Variants in KCNIP4 observed in about 807,000 individuals in gnomAD.
KCNIP4 encodes the protein Kv channel-interacting protein 4.
Under a neutral mutation model 34.0 loss-of-function variants are expected in KCNIP4, and 12 were observed. The observed-to-expected ratio is 0.35, with a 90% CI of 0.23 to 0.57. KCNIP4 has a LOEUF of 0.57. Among genes scored for constraint, KCNIP4 ranks in the 20% least tolerant of loss-of-function variants. KCNIP4 has a pLI of 0.83. For synonymous variants in KCNIP4, 124 were observed against 102.2 expected, an observed-to-expected ratio of 1.21 and a Z score of -1.29; for missense variants, 238 against 311.7, an observed-to-expected ratio of 0.76 and a Z score of 1.78.
intron 1 of KCNIP4, among the ~76,000 whole-genome samples, chr4:21,423,974 A>AT (rs548252863): frequency 0.29 from 41,451 of 144,818 alleles, 6,565 homozygotes; most frequent in Non-Finnish European, 0.38. Context: ...TGCCCGGCCA[A>AT]TTTTTTTTTT....
intron 1 of KCNIP4, among the ~76,000 whole-genome samples, chr4:21,294,299 C>A (rs1763711114): frequency 1.3e-5 from 2 of 152,078 alleles, no homozygotes; most frequent in African/African-American, 4.8e-5. Context: ...CTGTGTCTTC[C>A]CATTATGTAC....
intron 1 of KCNIP4, among the ~76,000 whole-genome samples, chr4:21,058,558 C>T (rs1743626653): frequency 6.6e-6 from 1 of 152,032 alleles, no homozygotes; most frequent in African/African-American, 2.4e-5. Flanking sequence ...GTCCCTAAAT[C>T]ATAGACACTG....
rs1406562812 is a variant in KCNIP4, at chr4:21,948,727, C to G, written c.-96G>C. On this transcript the variant is annotated 5_prime_UTR_variant, in exon 1 of 9. Transcript: ENST00000382152. ...CACGGGAGCGCACCGCCGCTCGGCCCGGGGGCGTCCGTGGCGCTGGGAGCG... is the reference window on the plus strand; with the variant it reads ...CACGGGAGCGCACCGCCGCTCGGCCGGGGGGCGTCCGTGGCGCTGGGAGCG... 4 of 1,295,090 alleles carry G rather than the reference C, an allele frequency of 3.1e-6. No homozygotes were observed. In the African/African-American group the frequency reaches 4.6e-5, roughly 15 times the overall value. 80.2% of individuals were successfully genotyped at this position (1,295,090 alleles called of 1,614,324 possible).
intron 1 of KCNIP4, among the ~76,000 whole-genome samples, chr4:21,913,045 A>T (rs1728429065): frequency 6.6e-6 from 1 of 152,028 alleles, no homozygotes; most frequent in Non-Finnish European, 1.5e-5. Flanking sequence ...AAAAACAATC[A>T]CTAACCTATG....
intron 1 of KCNIP4, among the ~76,000 whole-genome samples, chr4:21,258,961 A>T (rs775795201): frequency 1.3e-5 from 2 of 152,210 alleles, no homozygotes; most frequent in Non-Finnish European, 2.9e-5. Context: ...TTGAATGTTC[A>T]CTATGTTCCA....
intron 1 of KCNIP4, among the ~76,000 whole-genome samples, chr4:21,902,680 C>A (rs1727773233): frequency 6.6e-6 from 1 of 151,720 alleles, no homozygotes; most frequent in Non-Finnish European, 1.5e-5. Flanking sequence ...AGTGAACAAG[C>A]GGGAGAATGG....
chr4:21,910,830 G>A (rs1728264417), intron 1 of KCNIP4, among the ~76,000 whole-genome samples: 1 of 152,094 alleles, frequency 6.6e-6, no homozygotes, highest in Non-Finnish European at 1.5e-5. Flanking sequence ...ATTTGAACTT[G>A]AGTTTGCTTT....
chr4:21,582,447 C>A (rs890093640), intron 1 of KCNIP4: 1 of 151,774 alleles, frequency 6.6e-6, no homozygotes, highest in Non-Finnish European at 1.5e-5. Context: ...ATTTTTTTAA[C>A]CTAATTTTCT....
At chr4:21,291,046 A>G (rs767573946) in intron 1 of KCNIP4, among the ~76,000 whole-genome samples, 1 of 152,194 alleles carries the variant, frequency 6.6e-6, no homozygotes, top group Non-Finnish European at 1.5e-5. Flanking sequence ...TAGAGCAGGG[A>G]TTGTAGTCAG....
At chr4:21,018,819 A>C (rs747914110) in intron 1 of KCNIP4, among the ~76,000 whole-genome samples, 11 of 152,298 alleles carry the variant, frequency 7.2e-5, no homozygotes, top group Non-Finnish European at 1.3e-4. Context: ...ATTAGTGAGA[A>C]CTACATAAAT....
intron 1 of KCNIP4, among the ~76,000 whole-genome samples, chr4:21,153,142 C>T (rs1001888575): frequency 2.6e-5 from 4 of 152,126 alleles, no homozygotes; most frequent in Non-Finnish European, 4.4e-5. Context: ...TATGCACAGG[C>T]TAGACTCCTA....
chr4:21,100,360 G>A (rs1747826941), intron 1 of KCNIP4, among the ~76,000 whole-genome samples: 1 of 152,086 alleles, frequency 6.6e-6, no homozygotes, highest in African/African-American at 2.4e-5. Context: ...AGACCAGCCT[G>A]GCTAACATGG....
intron 1 of KCNIP4, among the ~76,000 whole-genome samples, chr4:21,880,520 T>G (rs1726401059): frequency 6.6e-6 from 1 of 152,220 alleles, no homozygotes; most frequent in Non-Finnish European, 1.5e-5. Context: ...TAAAAACTAC[T>G]GAGGTTGAAC....
intron 1 of KCNIP4, among the ~76,000 whole-genome samples, chr4:21,546,962 A>C (rs1215376237): frequency 6.6e-6 from 1 of 152,130 alleles, no homozygotes; most frequent in Non-Finnish European, 1.5e-5. Context: ...AGGAAATGTT[A>C]TTTTACAAAT....
At chr4:21,777,910 T>C (rs930237256) in intron 1 of KCNIP4, among the ~76,000 whole-genome samples, 2 of 152,168 alleles carry the variant, frequency 1.3e-5, no homozygotes, top group Non-Finnish European at 2.9e-5. Flanking sequence ...CAAGGGAACA[T>C]TTGCTTATAA....
intron 1 of KCNIP4, among the ~76,000 whole-genome samples, chr4:21,334,704 C>T (rs183509527): frequency 1.4e-3 from 211 of 152,068 alleles, no homozygotes; most frequent in African/African-American, 4.6e-3. Context: ...AAACACTAGT[C>T]TACATTCTGT....
intron 1 of KCNIP4, among the ~76,000 whole-genome samples, chr4:21,145,186 T>G (rs1258710761): frequency 1.3e-5 from 2 of 152,228 alleles, no homozygotes; most frequent in Non-Finnish European, 2.9e-5. Flanking sequence ...CTCCACCTAC[T>G]CACAGGGGCC....
At chr4:21,001,889 C>T (rs1036817542) in intron 1 of KCNIP4, among the ~76,000 whole-genome samples, 2 of 152,174 alleles carry the variant, frequency 1.3e-5, no homozygotes, top group African/African-American at 4.8e-5. Flanking sequence ...CCTCTCGTTC[C>T]TTCTCACCAC....
At chr4:21,124,977 T>C (rs987116240) in intron 1 of KCNIP4, among the ~76,000 whole-genome samples, 1 of 151,364 alleles carries the variant, frequency 6.6e-6, no homozygotes, top group African/African-American at 2.4e-5. Context: ...CCAAGACAAA[T>C]AGAATTCCCC....
Sources: allele counts gnomAD v4.1 joint callset (sites outside exome capture counted in the v4.1 genomes callset), GRCh38; gene constraint gnomAD v4.1.1; transcripts MANE v1.5; gene names NCBI Gene and HGNC (gene_info 2026-07-23, HGNC 2026-07-21).